The following CTNNBL1 variants were observed in gnomAD, a reference collection of about 807,000 sequenced individuals.
CTNNBL1 encodes beta-catenin-like protein 1.
A neutral mutation model predicts 72.7 loss-of-function variants in CTNNBL1; 31 were observed. The observed-to-expected ratio is 0.43, with a 90% confidence interval of 0.32 to 0.58. CTNNBL1 has a LOEUF of 0.58. CTNNBL1 is among the 20% of genes least tolerant of loss of function. The pLI is 0.08. For synonymous variants in CTNNBL1, 240 were observed against 267.3 expected (o/e 0.90, Z 1.00); for missense variants, 534 against 725.1 (o/e 0.74, Z 3.03).
At position 37,728,947 on chromosome 20, in the gene CTNNBL1, C is replaced by CAAG. The variant is rs558081632; in HGVS notation, c.31-3930_31-3929insGAA. On this transcript the variant is annotated intron_variant, in intron 1 of 15. Coordinates refer to ENST00000361383, the MANE Select transcript of CTNNBL1 (RefSeq NM_030877.5). Reference sequence around the variant, plus strand: ...AAAGTTAACAGAGTTATTCTTGTCTCAATCCACACTGGCCCTATTTATCCC... The same window carrying CAAG: ...AAAGTTAACAGAGTTATTCTTGTCTCAAGAATCCACACTGGCCCTATTTATCCC... Among the ~76,000 whole-genome samples the CAAG allele has an allele frequency of 2.8e-3, 426 of 152,318 alleles. 4 individuals carry two copies. Among genetic ancestry groups the CAAG allele is most frequent in the East Asian group, 0.017 (89 of 5,184 alleles).
In CTNNBL1 at chr20:37,765,269, G is replaced by C. The variant is rs867056026; in HGVS notation, c.637G>C (p.Asp213His). 3.2e-6 allele frequency: 5 copies of C among 1,551,114 alleles called. No individual in the cohort carries two copies. In the Middle Eastern group the frequency reaches 8.3e-4, roughly 259 times the overall value. Residue 213 changes from aspartate to histidine, a missense_variant, in exon 6 of 16, where the codon GAT becomes CAT. Asp to His is a moderately conservative substitution (Grantham distance 81). Coordinates refer to ENST00000361383, the MANE Select transcript of CTNNBL1 (RefSeq NM_030877.5). Reference sequence around the variant, plus strand: ...GGATGAGTCTGTGAAAGAGGAGGCAGATGGCGTCCACAACACTCTGGGTGA... The same window carrying C: ...GGATGAGTCTGTGAAAGAGGAGGCACATGGCGTCCACAACACTCTGGGTGA... ...RLDESVKEEA[D>H]GVHNTLAIVE...
chr20:37,797,839 G>A lies in CTNNBL1; in HGVS notation c.1032-5028G>A, dbSNP rs190227481. On this transcript the variant is annotated intron_variant, in intron 10 of 15. Transcript: ENST00000361383. ...ACTCTTTATATTCTAGCAGTACCAT[G>A]CTCCACTTCCCTAAATGTCCCATGC... 5.1e-4 allele frequency among the ~76,000 whole-genome samples: 77 copies of A among 152,242 alleles called. 1 individual carries two copies. In the East Asian group the frequency reaches 0.01, roughly 20 times the overall value.
intron 1 of CTNNBL1, among the ~76,000 whole-genome samples, chr20:37,716,090 C>T (rs999275068): frequency 1.3e-5 from 2 of 151,946 alleles, no homozygotes; most frequent in Non-Finnish European, 2.9e-5. Flanking sequence ...GAAGATGGGT[C>T]AAAATAATTA....
At chr20:37,789,569 G>GT (rs2073706590) in intron 10 of CTNNBL1, among the ~76,000 whole-genome samples, 1 of 152,218 alleles carries the variant, frequency 6.6e-6, no homozygotes, top group South Asian at 2.1e-4. Context: ...GGATGGAACT[G>GT]TAACAGTGCC....
At chr20:37,855,659 C>T (rs1028210380) in intron 13 of CTNNBL1, among the ~76,000 whole-genome samples, 1 of 152,136 alleles carries the variant, frequency 6.6e-6, no homozygotes, top group African/African-American at 2.4e-5. Flanking sequence ...ACCTGCCTCT[C>T]GATGCTCTAA....
At chr20:37,808,878 A>G (rs565113217) in intron 11 of CTNNBL1, among the ~76,000 whole-genome samples, 162 of 152,108 alleles carry the variant, frequency 1.1e-3, no homozygotes, top group African/African-American at 3.8e-3. Context: ...TGCTTGGTAA[A>G]TGGCACCAGC....
At chr20:37,825,547 C>T (rs1327841773) in intron 11 of CTNNBL1, among the ~76,000 whole-genome samples, 9 of 151,990 alleles carry the variant, frequency 5.9e-5, no homozygotes, top group Non-Finnish European at 4.4e-5. Context: ...TGGTGGTGGG[C>T]GCCTGTAATC....
intron 11 of CTNNBL1, among the ~76,000 whole-genome samples, chr20:37,836,883 G>C (rs1176754704): frequency 6.6e-6 from 1 of 152,050 alleles, no homozygotes; most frequent in African/African-American, 2.4e-5. Flanking sequence ...CTTTGGCTCT[G>C]ATTTTTTTTT....
chr20:37,735,925 G>C (rs1257663868), intron 2 of CTNNBL1, among the ~76,000 whole-genome samples: 1 of 152,220 alleles, frequency 6.6e-6, no homozygotes, highest in Non-Finnish European at 1.5e-5. Flanking sequence ...AGTTGGGATA[G>C]TATGAAGAGA....
chr20:37,702,574 ACT>A (rs2072853490), intron 1 of CTNNBL1, among the ~76,000 whole-genome samples: 2 of 152,208 alleles, frequency 1.3e-5, no homozygotes, highest in East Asian at 1.9e-4. Flanking sequence ...TGGAAGTGTG[ACT>A]CTAACAGATA....
intron 5 of CTNNBL1, among the ~76,000 whole-genome samples, chr20:37,760,119 G>T (rs6067536): frequency 2.0e-5 from 3 of 152,206 alleles, no homozygotes; most frequent in Non-Finnish European, 4.4e-5. Context: ...TTACGCAAAA[G>T]GCAAATATTT....
chr20:37,869,270 A>C (rs2072562385), intron 15 of CTNNBL1, among the ~76,000 whole-genome samples: 1 of 152,196 alleles, frequency 6.6e-6, no homozygotes, highest in African/African-American at 2.4e-5. Context: ...CTTCCCCAGC[A>C]TTGGCAGGGG....
chr20:37,715,416 A>C (rs1300540682), intron 1 of CTNNBL1, among the ~76,000 whole-genome samples: 1 of 152,270 alleles, frequency 6.6e-6, no homozygotes, highest in Admixed American at 6.5e-5. Context: ...GAGTAGGCAC[A>C]TAGTTAATGG....
At chr20:37,802,005 G>A (rs6063608) in intron 10 of CTNNBL1, among the ~76,000 whole-genome samples, 30,582 of 152,178 alleles carry the variant, frequency 0.2, 3,855 homozygotes, top group East Asian at 0.42. Context: ...AAGGTTGCAG[G>A]AAATAAAACC....
chr20:37,844,993 C>G (rs1370879381), intron 13 of CTNNBL1, among the ~76,000 whole-genome samples: 2 of 152,200 alleles, frequency 1.3e-5, no homozygotes, highest in African/African-American at 4.8e-5. Flanking sequence ...ATTATGAAGA[C>G]TAAGCATAAA....
chr20:37,867,572 A>G (rs1036511175), intron 15 of CTNNBL1, among the ~76,000 whole-genome samples: 10 of 152,206 alleles, frequency 6.6e-5, no homozygotes, highest in African/African-American at 2.4e-4. Context: ...ATGTGGGGGA[A>G]GTAGAGAAAG....
chr20:37,746,467 G>T lies in CTNNBL1; in HGVS notation c.327-1G>T, dbSNP rs1280510022. On this transcript the variant is annotated splice_acceptor_variant, in intron 3 of 15. Transcript: ENST00000361383. LOFTEE classifies it high-confidence loss of function. Reference sequence around the variant, plus strand: ...TAATGATGTCTTGTTTTCCCTCCTAGGTTCATGGAATCCGAGCTGGACCTA... The same window carrying T: ...TAATGATGTCTTGTTTTCCCTCCTATGTTCATGGAATCCGAGCTGGACCTA... The T allele has an allele frequency of 6.2e-7, 1 of 1,612,304 alleles. No individual in the cohort carries two copies. The highest frequency in any genetic ancestry group is 1.1e-5 in the South Asian group (1 of 91,032).
chr20:37,713,546 C>T (rs980028009), intron 1 of CTNNBL1, among the ~76,000 whole-genome samples: 16 of 152,204 alleles, frequency 1.1e-4, no homozygotes, highest in African/African-American at 3.9e-4. Context: ...GCTGAATGTA[C>T]TGAGCATAGC....
At chr20:37,788,409 C>T (rs183062461) in intron 10 of CTNNBL1, among the ~76,000 whole-genome samples, 74 of 152,278 alleles carry the variant, frequency 4.9e-4, no homozygotes, top group Admixed American at 7.2e-4. Context: ...TTTGGCAAAC[C>T]GTGTTCATAG....
Sources: gnomAD v4.1 joint callset for allele counts (sites outside exome capture counted in the v4.1 genomes callset) on GRCh38, gnomAD v4.1.1 for gene constraint, MANE v1.5 for transcripts, NCBI Gene and HGNC (gene_info 2026-07-23, HGNC 2026-07-21) for gene names.